Variants in GNG7 observed in about 807,000 individuals in gnomAD.
GNG7 encodes guanine nucleotide-binding protein G(I)/G(S)/G(O) subunit gamma-7.
In GNG7, 1 loss-of-function variant was observed where a neutral mutation model predicts 4.0. That is an observed-to-expected ratio of 0.25 (90% CI 0.09 to 1.18). The LOEUF (loss-of-function observed/expected upper bound fraction) is 1.18. Ranked by LOEUF, GNG7 falls within the 50% of genes most tolerant of loss-of-function variation. The pLI is 0.50. For missense variants in GNG7, 86 were observed against 91.9 expected, an observed-to-expected ratio of 0.94 and a Z score of 0.26; for synonymous variants, 34 against 36.9, an observed-to-expected ratio of 0.92 and a Z score of 0.29.
intron 2 of GNG7, among the ~76,000 whole-genome samples, chr19:2,584,662 AGG>A (rs1568252769): frequency 7.1e-5 from 6 of 84,646 alleles, no homozygotes; most frequent in African/African-American, 2.8e-4. Context: ...GAGGGAAGGA[AGG>A]AAAGAAGGAA....
chr19:2,615,115 CG>C (rs1981683401), intron 2 of GNG7, among the ~76,000 whole-genome samples: 1 of 151,784 alleles, frequency 6.6e-6, no homozygotes, highest in Admixed American at 6.6e-5. Context: ...AGGCCACTTT[CG>C]GGGTACTGGG....
chr19:2,567,919 G>A (rs1311653349), intron 2 of GNG7, among the ~76,000 whole-genome samples: 4 of 152,148 alleles, frequency 2.6e-5, no homozygotes, highest in Non-Finnish European at 4.4e-5. Flanking sequence ...AGAGAAGGGC[G>A]TTGCCATTCA....
intron 2 of GNG7, among the ~76,000 whole-genome samples, chr19:2,592,090 CCT>C (rs1359445179): frequency 5.9e-5 from 9 of 152,112 alleles, no homozygotes; most frequent in African/African-American, 1.9e-4. Context: ...TAGGAATTTA[CCT>C]CCTGAGATAT....
At chr19:2,638,441 AGGGGG>A in intron 2 of GNG7, among the ~76,000 whole-genome samples, 2 of 43,906 alleles carry the variant, frequency 4.6e-5, no homozygotes, top group Non-Finnish European at 9.3e-5. Context: ...GGGGAAGGGG[AGGGGG>A]AGGGGAGGGG....
chr19:2,627,664 G>C (rs1363113690), intron 2 of GNG7, among the ~76,000 whole-genome samples: 1 of 152,220 alleles, frequency 6.6e-6, no homozygotes, highest in African/African-American at 2.4e-5. Flanking sequence ...CGGAATATTA[G>C]TCAGGGTACA....
chr19:2,594,309 G>A (rs1446930954), intron 2 of GNG7, among the ~76,000 whole-genome samples: 1 of 151,674 alleles, frequency 6.6e-6, no homozygotes, highest in Non-Finnish European at 1.5e-5. Flanking sequence ...GGAGGTAGAG[G>A]TTGCAGTGAG....
chr19:2,650,716 C>A (rs1384672734), intron 1 of GNG7, among the ~76,000 whole-genome samples: 1 of 152,212 alleles, frequency 6.6e-6, no homozygotes, highest in African/African-American at 2.4e-5. Flanking sequence ...GGGCCTTGAG[C>A]CGCACCAGCT....
chr19:2,596,820 G>A (rs571753193), intron 2 of GNG7, among the ~76,000 whole-genome samples: 44 of 152,276 alleles, frequency 2.9e-4, no homozygotes, highest in African/African-American at 1.1e-3. Context: ...TCTCACTCCT[G>A]CAGTACGAGA....
intron 2 of GNG7, among the ~76,000 whole-genome samples, chr19:2,578,913 G>A (rs1012421998): frequency 6.6e-6 from 1 of 152,374 alleles, no homozygotes; most frequent in African/African-American, 2.4e-5. Flanking sequence ...GGGCCGAGCT[G>A]TGGGGATGTG....
chr19:2,524,615 T>C (rs908666182), intron 3 of GNG7, among the ~76,000 whole-genome samples: 2 of 152,244 alleles, frequency 1.3e-5, no homozygotes, highest in Admixed American at 1.3e-4. Flanking sequence ...TGTGTGTACA[T>C]GTGCATGTGT....
intron 2 of GNG7, among the ~76,000 whole-genome samples, chr19:2,585,021 AGGG>A: frequency 1.0e-5 from 1 of 99,312 alleles, no homozygotes; most frequent in Non-Finnish European, 1.9e-5. Flanking sequence ...AGAAGGAAGG[AGGG>A]AGGGAGGGAC....
At chr19:2,622,229 G>C (rs1007158628) in intron 2 of GNG7, among the ~76,000 whole-genome samples, 1 of 151,958 alleles carries the variant, frequency 6.6e-6, no homozygotes, top group Non-Finnish European at 1.5e-5. Flanking sequence ...ACAGGCGCCC[G>C]CCACCACACC....
rs1394532125 is a variant in GNG7, at chr19:2,546,388, G to A, written c.-38+8761C>T. Among the ~76,000 whole-genome samples, 2 of 152,254 alleles carry A rather than the reference G, an allele frequency of 1.3e-5. No individual in the cohort carries two copies. Among genetic ancestry groups the A allele is most frequent in the African/African-American group, 2.4e-5 (1 of 41,476 alleles). On this transcript the variant is annotated intron_variant, in intron 3 of 4. Coordinates refer to ENST00000382159, the MANE Select transcript of GNG7 (RefSeq NM_052847.3). The surrounding 1 kb of genome is among the most constrained non-coding windows in gnomAD (Gnocchi z 6.3). ...GGGGCCTTCCGTGCCAGCTCTGACC[G>A]TTGGTGGCTCTGTGACCTCAAGGCA...
Position 2,515,085 on chromosome 19 carries a change from C to T in GNG7, c.144G>A (p.Leu48=), listed in dbSNP as rs747484414. Residue 48 remains leucine, a synonymous_variant, in exon 5 of 5, where the codon CTG becomes CTA. Transcript: ENST00000382159. ...YCEQHARNDP[L]LVGVPASENP... is the part of the protein sequence containing the mutation. ...TCTCCGAGGCAGGGACTCCGACCAG[C>T]AGGGGGTCGTTCCGGGCATGTTGCT... The T allele has an allele frequency of 5.6e-6, 9 of 1,613,906 alleles. No individual in the cohort carries two copies. The Admixed American group carries it at 1.3e-4, about 24-fold the overall frequency.
chr19:2,552,375 T>C (rs1380674124), intron 3 of GNG7, among the ~76,000 whole-genome samples: 1 of 151,832 alleles, frequency 6.6e-6, no homozygotes, highest in Non-Finnish European at 1.5e-5. Flanking sequence ...GATGGGACCA[T>C]CTAGTTTTTA....
chr19:2,633,862 G>A lies in GNG7; in HGVS notation c.-78+12362C>T, dbSNP rs373693750. On this transcript the variant is annotated intron_variant, in intron 2 of 4. Coordinates refer to ENST00000382159, the MANE Select transcript of GNG7 (RefSeq NM_052847.3). The surrounding 1 kb of genome is among the most constrained non-coding windows in gnomAD (Gnocchi z 5.9). Reference sequence around the variant, plus strand: ...TCATTCTTGGTTGTGGGGCTGCCCCGGGCACTGCAGGGTGCTGAGTGGCAC... The same window carrying A: ...TCATTCTTGGTTGTGGGGCTGCCCCAGGCACTGCAGGGTGCTGAGTGGCAC... Among the ~76,000 whole-genome samples, 40 of 152,222 alleles carry A rather than the reference G, an allele frequency of 2.6e-4. No individual in the cohort carries two copies. The East Asian group carries it at 6.8e-3, about 26-fold the overall frequency.
intron 1 of GNG7, among the ~76,000 whole-genome samples, chr19:2,696,488 G>T (rs905465685): frequency 1.3e-5 from 2 of 152,224 alleles, no homozygotes; most frequent in Non-Finnish European, 2.9e-5. Context: ...CAGTGCAGTG[G>T]ACTGCCTGTG....
At chr19:2,645,829 G>A (rs1465441426) in intron 2 of GNG7, among the ~76,000 whole-genome samples, 1 of 152,160 alleles carries the variant, frequency 6.6e-6, no homozygotes, top group Non-Finnish European at 1.5e-5. Flanking sequence ...TAAATCAACA[G>A]AGGAGAGCTA....
intron 1 of GNG7, among the ~76,000 whole-genome samples, chr19:2,697,331 G>A (rs1039243248): frequency 2.0e-5 from 3 of 152,280 alleles, no homozygotes; most frequent in East Asian, 1.9e-4. Flanking sequence ...CCGCCCATCC[G>A]TGTCAGGAGC....
Sources: allele counts gnomAD v4.1 joint callset (sites outside exome capture counted in the v4.1 genomes callset), GRCh38; gene constraint gnomAD v4.1.1; non-coding constraint Gnocchi (gnomAD v3.1); transcripts MANE v1.5; gene names NCBI Gene and HGNC (gene_info 2026-07-23, HGNC 2026-07-21).